The following CD300LD variants were observed in gnomAD, a reference collection of about 807,000 sequenced individuals.
CD300LD encodes the protein CD300 molecule like family member d.
In CD300LD, 18 loss-of-function variants were observed where a neutral mutation model predicts 20.3. That is an observed-to-expected ratio of 0.89 (90% CI 0.61 to 1.32). The LOEUF is 1.32. Among genes scored for constraint, CD300LD ranks in the 40% most tolerant of loss-of-function variants. The pLI is 0.00. For synonymous variants in CD300LD, 104 were observed against 90.1 expected (o/e 1.15, Z -0.87); for missense variants, 195 against 226.6 (o/e 0.86, Z 0.90).
intron 2 of CD300LD, among the ~76,000 whole-genome samples, chr17:74,583,506 G>A (rs375939493): frequency 2.0e-5 from 3 of 152,128 alleles, no homozygotes; most frequent in South Asian, 2.1e-4. Context: ...TGAGAAATAC[G>A]TTTCTGTTGT....
In CD300LD at chr17:74,588,575, A is replaced by G. The variant is rs368714951; in HGVS notation, c.315T>C (p.Tyr105=). The part of the protein sequence containing the change: ...ENLKRDDADS[Y]WCGTERPGID... ...TTCCAGGTCTCTCAGTCCCACACCA[A>G]TAACTGTCAGCATCATCTCTTTTGA... Residue 105 remains tyrosine, a synonymous_variant, in exon 2 of 4, where the codon TAT becomes TAC. Coordinates refer to ENST00000375352, the MANE Select transcript of CD300LD (RefSeq NM_001115152.2). 6 of 1,613,986 alleles carry G rather than the reference A, an allele frequency of 3.7e-6. No homozygotes were observed. The African/African-American group carries it at 5.3e-5, about 14-fold the overall frequency.
At chr17:74,591,707 C>G (rs923706632) in intron 1 of CD300LD, among the ~76,000 whole-genome samples, 16 of 151,510 alleles carry the variant, frequency 1.1e-4, no homozygotes, top group African/African-American at 3.9e-4. Context: ...TACTATGCAG[C>G]CATGAAAAAG....
rs117383637 is a variant in CD300LD at position 74,579,811 on chromosome 17, G to A, written c.*191C>T. 2 of 378,302 alleles carry A rather than the reference G, an allele frequency of 5.3e-6. No homozygotes were observed. The highest frequency in any genetic ancestry group is 9.9e-5 in the East Asian group (2 of 20,128). 23.4% of individuals were successfully genotyped at this position (378,302 alleles called of 1,614,324 possible). On this transcript the variant is annotated 3_prime_UTR_variant, in exon 4 of 4. Transcript: ENST00000375352. ...GAGGCAGGAGGATCGCTTGAGCCTGGGAGGGGAAAGTTGCAGTGAGCAGAG... is the reference window on the plus strand; with the variant it reads ...GAGGCAGGAGGATCGCTTGAGCCTGAGAGGGGAAAGTTGCAGTGAGCAGAG...
At chr17:74,584,746 T>C (rs1466375491) in intron 2 of CD300LD, 1 of 152,808 alleles carries the variant, frequency 6.5e-6, no homozygotes, top group Non-Finnish European at 1.5e-5. Context: ...TTTGTCTTTG[T>C]CTTCATTTCT....
Position 74,580,235 on chromosome 17 carries a change from C to G in CD300LD, c.474-122G>C, listed in dbSNP as rs1213058264. On this transcript the variant is annotated intron_variant, in intron 3 of 3. Coordinates refer to ENST00000375352, the MANE Select transcript of CD300LD (RefSeq NM_001115152.2). ...GTGAGGGTAAGCCTGGAACCCCAGA[C>G]AGGCCAGCCCCTTTGGTGGGGCACA... 4 of 675,762 alleles carry G rather than the reference C, an allele frequency of 5.9e-6. No individual in the cohort carries two copies. In the East Asian group the frequency reaches 8.5e-5, roughly 14 times the overall value. 41.9% of individuals were successfully genotyped at this position (675,762 alleles called of 1,614,324 possible).
chr17:74,592,088 TC>T, intron 1 of CD300LD, 74 bp downstream of exon 1: 1 of 1,613,448 alleles, frequency 6.2e-7, no homozygotes, highest in Non-Finnish European at 8.5e-7. Context: ...CATGTCTCCT[TC>T]CTGAGAACAG....
chr17:74,589,001 C>A (rs1200265283), intron 1 of CD300LD, 152 bp from the exon 2 acceptor site: 2 of 598,784 alleles, frequency 3.3e-6, no homozygotes, highest in African/African-American at 3.7e-5. Context: ...CTTCAAAATT[C>A]CACTGGGTCA....
At position 74,579,965 on chromosome 17, in the gene CD300LD, CATTGG is replaced by C; in HGVS notation, c.*32_*36del. ...TCGCCCTGGACAGGACGTCAATGGG[CATTGG>C]GACTCTCATCATCGGGCTGACTCCT... On this transcript the variant is annotated 3_prime_UTR_variant, in exon 4 of 4. Coordinates refer to ENST00000375352, the MANE Select transcript of CD300LD (RefSeq NM_001115152.2). The C allele has an allele frequency of 7.6e-7, 1 of 1,310,630 alleles. No homozygotes were observed. The highest frequency in any genetic ancestry group is 1.1e-6 in the Non-Finnish European group (1 of 908,404). 81.2% of individuals were successfully genotyped at this position (1,310,630 alleles called of 1,614,324 possible).
intron 3 of CD300LD, among the ~76,000 whole-genome samples, chr17:74,581,090 A>G (rs1213001283): frequency 1.3e-5 from 2 of 151,676 alleles, no homozygotes; most frequent in Non-Finnish European, 2.9e-5. Flanking sequence ...CTCTCCTGCT[A>G]CACCTCTGGA....
chr17:74,588,490 C>G, intron 2 of CD300LD, 21 bp downstream of exon 2: 1 of 1,523,646 alleles, frequency 6.6e-7, no homozygotes, highest in Non-Finnish European at 9.0e-7. Flanking sequence ...GAGACACACA[C>G]GTATATACAC....
chr17:74,585,825 T>C (rs1012408403), intron 2 of CD300LD, among the ~76,000 whole-genome samples: 3 of 152,238 alleles, frequency 2.0e-5, no homozygotes, highest in Non-Finnish European at 4.4e-5. Flanking sequence ...AAGAACTGTG[T>C]GCAGACCAGG....
At chr17:74,589,975 T>A (rs1024364322) in intron 1 of CD300LD, among the ~76,000 whole-genome samples, 3 of 152,212 alleles carry the variant, frequency 2.0e-5, no homozygotes, top group Admixed American at 6.5e-5. Flanking sequence ...CTACCACTGA[T>A]AAGTTTTGTG....
At chr17:74,587,173 C>T (rs947424524) in intron 2 of CD300LD, among the ~76,000 whole-genome samples, 8 of 152,050 alleles carry the variant, frequency 5.3e-5, no homozygotes, top group African/African-American at 1.9e-4. Flanking sequence ...TTGATATTAT[C>T]CGGTCCTGAA....
At position 74,582,184 on chromosome 17, in the gene CD300LD, C is replaced by G. The variant is rs767458397; in HGVS notation, c.473+34G>C. The stretch of plus-strand genomic sequence containing the variant: ...TAGAGGAGAGGCCATGGGGCCAGGC[C>G]TGTGCGAAAGTGGTGGGACCTGGCT... On this transcript the variant is annotated intron_variant, in intron 3 of 3. Coordinates refer to ENST00000375352, the MANE Select transcript of CD300LD (RefSeq NM_001115152.2). 1.0e-5 allele frequency: 16 copies of G among 1,591,944 alleles called. 1 individual carries two copies. Among genetic ancestry groups the G allele is most frequent in the Non-Finnish European group, 1.4e-5 (16 of 1,161,314 alleles).
chr17:74,591,963 T>C (rs569459359), intron 1 of CD300LD, 200 bp downstream of exon 1: 1 of 1,462,624 alleles, frequency 6.8e-7, no homozygotes, highest in Admixed American at 2.1e-5. Context: ...TGTTTTGTTT[T>C]GTGTGTGTTT....
intron 2 of CD300LD, among the ~76,000 whole-genome samples, chr17:74,583,290 A>G (rs2030078152): frequency 6.6e-6 from 1 of 152,222 alleles, no homozygotes; most frequent in Non-Finnish European, 1.5e-5. Context: ...TGAGTTTGTT[A>G]GGGTAAGTCC....
At chr17:74,583,697 A>C (rs1269066697) in intron 2 of CD300LD, among the ~76,000 whole-genome samples, 1 of 151,600 alleles carries the variant, frequency 6.6e-6, no homozygotes, top group Non-Finnish European at 1.5e-5. Context: ...TTGGTATATC[A>C]GTAGAACATT....
intron 2 of CD300LD, among the ~76,000 whole-genome samples, chr17:74,583,308 A>G (rs1488398860): frequency 1.3e-5 from 2 of 152,234 alleles, no homozygotes; most frequent in African/African-American, 4.8e-5. Flanking sequence ...TCCTAATGCC[A>G]TCTGACTGGT....
chr17:74,582,658 T>G (rs571219407), intron 2 of CD300LD, among the ~76,000 whole-genome samples: 2 of 152,322 alleles, frequency 1.3e-5, no homozygotes, highest in South Asian at 4.1e-4. Context: ...TCTGGAGTGA[T>G]TCGGCGGCTG....
Sources: gnomAD v4.1 joint callset for allele counts (sites outside exome capture counted in the v4.1 genomes callset) on GRCh38, gnomAD v4.1.1 for gene constraint, MANE v1.5 for transcripts, NCBI Gene and HGNC (gene_info 2026-07-23, HGNC 2026-07-21) for gene names.